The following THSD4 variants were observed in gnomAD, a reference collection of about 807,000 sequenced individuals.
THSD4 encodes thrombospondin type 1 domain containing 4.
A neutral mutation model predicts 119.0 loss-of-function variants in THSD4; 69 were observed. The observed-to-expected ratio is 0.58, with a 90% CI of 0.48 to 0.71. The LOEUF (loss-of-function observed/expected upper bound fraction) is 0.71. Among genes scored for constraint, THSD4 ranks in the 30% least tolerant of loss-of-function variants. The probability of loss-of-function intolerance (pLI) is 0.00; values close to 1 mark genes in which losing one functional copy is unlikely to be tolerated. For synonymous variants in THSD4, 524 were observed against 540.4 expected, an observed-to-expected ratio of 0.97 and a Z score of 0.42; for missense variants, 1,393 against 1,391.1, an observed-to-expected ratio of 1.00 and a Z score of -0.02.
chr15:71,486,334 T>C (rs1279596308), intron 7 of THSD4, among the ~76,000 whole-genome samples: 1 of 152,206 alleles, frequency 6.6e-6, no homozygotes. Flanking sequence ...TTGTGGGACC[T>C]TGGGAAAGTG....
chr15:71,414,134 T>G (rs1168696498), intron 7 of THSD4, among the ~76,000 whole-genome samples: 3 of 152,242 alleles, frequency 2.0e-5, no homozygotes, highest in Admixed American at 2.0e-4. Context: ...CAAAAGTTAC[T>G]TAAGCTCTCT....
chr15:71,621,369 C>G (rs2050416078), intron 7 of THSD4, among the ~76,000 whole-genome samples: 1 of 152,004 alleles, frequency 6.6e-6, no homozygotes, highest in African/African-American at 2.4e-5. Context: ...GACAGTTGTC[C>G]CAGATGAGGG....
intron 7 of THSD4, among the ~76,000 whole-genome samples, chr15:71,568,893 A>G (rs2049295499): frequency 6.6e-6 from 1 of 152,200 alleles, no homozygotes; most frequent in Admixed American, 6.5e-5. Flanking sequence ...TTTTTTAAGA[A>G]CAATCTTTAA....
intron 6 of THSD4, among the ~76,000 whole-genome samples, chr15:71,402,740 A>G (rs1260325627): frequency 6.6e-6 from 1 of 152,148 alleles, no homozygotes; most frequent in Non-Finnish European, 1.5e-5. Context: ...ATAAACACCT[A>G]TGAGCCAGCT....
intron 3 of THSD4, among the ~76,000 whole-genome samples, chr15:71,168,493 A>G (rs1393225614): frequency 6.6e-6 from 1 of 152,234 alleles, no homozygotes; most frequent in Non-Finnish European, 1.5e-5. Flanking sequence ...TTTAGAAACA[A>G]TGAAAGCTAC....
intron 7 of THSD4, among the ~76,000 whole-genome samples, chr15:71,658,875 G>A (rs149184561): frequency 7.9e-5 from 12 of 152,234 alleles, no homozygotes; most frequent in African/African-American, 2.2e-4. Context: ...GTCAATGTGC[G>A]CTTGGGAATA....
intron 8 of THSD4, among the ~76,000 whole-genome samples, chr15:71,692,035 A>G (rs2052062898): frequency 6.6e-6 from 1 of 152,238 alleles, no homozygotes; most frequent in Admixed American, 6.5e-5. Context: ...ACGTTCACCA[A>G]AAGTAACAAG....
chr15:71,365,131 T>TTGTGTGTGTGTGTGTGTGTGTGTGTG lies in THSD4; in HGVS notation c.1016-46546_1016-46521dup, dbSNP rs10690804. Among the ~76,000 whole-genome samples the TTGTGTGTGTGTGTGTGTGTGTGTGTG allele has an allele frequency of 1.9e-3, 254 of 135,896 alleles. 7 individuals carry two copies. Among genetic ancestry groups the TTGTGTGTGTGTGTGTGTGTGTGTGTG allele is most frequent in the South Asian group, 3.4e-3 (13 of 3,828 alleles). The allele number at this position is 135,896 out of a possible 152,430, so 89.2% of individuals were successfully genotyped here. On this transcript the variant is annotated intron_variant, in intron 6 of 17. Transcript: ENST00000261862. ...GAAAATATATCCACTGCCCCCCCCA[T>TTGTGTGTGTGTGTGTGTGTGTGTGTG]TGTGTGTGTGTGTGTGTGTGTGTGT...
At chr15:71,293,339 G>C (rs1303254758) in intron 6 of THSD4, among the ~76,000 whole-genome samples, 4 of 152,180 alleles carry the variant, frequency 2.6e-5, no homozygotes, top group Non-Finnish European at 4.4e-5. Context: ...TCTCCTGCCT[G>C]TGGAGGTGGA....
At chr15:71,352,892 A>G (rs1264303522) in intron 6 of THSD4, among the ~76,000 whole-genome samples, 1 of 152,240 alleles carries the variant, frequency 6.6e-6, no homozygotes, top group Non-Finnish European at 1.5e-5. Context: ...GTGGAAGGAC[A>G]TTCTAGGAGA....
Position 71,215,020 on chromosome 15 carries a change from C to G in THSD4, c.100-15C>G. The stretch of plus-strand genomic sequence containing the variant: ...AGCGGTGTTCTGGTCCCCTAACCTG[C>G]CTCTGTCTCCGCAGGTCCCGCAGCG... On this transcript the variant is annotated splice_polypyrimidine_tract_variant and intron_variant, in intron 3 of 17. Coordinates refer to ENST00000261862, the MANE Select transcript of THSD4 (RefSeq NM_024817.3). 1.6e-6 allele frequency: 2 copies of G among 1,254,606 alleles called. No individual in the cohort carries two copies. Among genetic ancestry groups the G allele is most frequent in the Non-Finnish European group, 2.0e-6 (2 of 993,202 alleles). The allele number at this position is 1,254,606 out of a possible 1,614,324, so 77.7% of individuals were successfully genotyped here.
intron 7 of THSD4, among the ~76,000 whole-genome samples, chr15:71,497,095 T>G (rs2048029659): frequency 6.6e-6 from 1 of 152,238 alleles, no homozygotes. Context: ...AAAGATGTTG[T>G]GCAGTTTCTG....
intron 3 of THSD4, among the ~76,000 whole-genome samples, chr15:71,155,801 C>T (rs901483737): frequency 2.6e-5 from 4 of 152,098 alleles, no homozygotes; most frequent in Admixed American, 6.6e-5. Flanking sequence ...AACTGATGGC[C>T]GGCAGGGATG....
chr15:71,565,057 A>G (rs2049208653), intron 7 of THSD4, among the ~76,000 whole-genome samples: 1 of 152,124 alleles, frequency 6.6e-6, no homozygotes, highest in South Asian at 2.1e-4. Context: ...CCAAAAGAAC[A>G]CCTTAGGTTT....
chr15:71,639,306 G>A (rs981004573), intron 7 of THSD4, among the ~76,000 whole-genome samples: 2 of 152,120 alleles, frequency 1.3e-5, no homozygotes, highest in African/African-American at 4.8e-5. Flanking sequence ...CTTGCATGGG[G>A]GCTGGATTTC....
At chr15:71,171,282 C>G (rs780316143) in intron 3 of THSD4, among the ~76,000 whole-genome samples, 3 of 151,926 alleles carry the variant, frequency 2.0e-5, no homozygotes, top group Non-Finnish European at 2.9e-5. Flanking sequence ...ATTTAAAAAG[C>G]CCTTAGAAAA....
At chr15:71,112,327 A>AT, upstream of THSD4, 1 of 1,183,500 alleles carries the variant, frequency 8.4e-7, no homozygotes, top group Non-Finnish European at 1.2e-6. Context: ...GGTACTATTA[A>AT]TAATTAATTA....
intron 3 of THSD4, among the ~76,000 whole-genome samples, chr15:71,194,273 A>G (rs1212115768): frequency 1.3e-5 from 2 of 152,230 alleles, no homozygotes; most frequent in Non-Finnish European, 2.9e-5. Flanking sequence ...TCTTCTGTCC[A>G]ATAGATGACA....
chr15:71,606,056 C>T (rs1484404066), intron 7 of THSD4, among the ~76,000 whole-genome samples: 4 of 152,220 alleles, frequency 2.6e-5, no homozygotes, highest in Non-Finnish European at 4.4e-5. Context: ...AAGGACTCAT[C>T]ATTGGCCATC....
Sources: gnomAD v4.1 joint callset for allele counts (sites outside exome capture counted in the v4.1 genomes callset) on GRCh38, gnomAD v4.1.1 for gene constraint, MANE v1.5 for transcripts, NCBI Gene and HGNC (gene_info 2026-07-23, HGNC 2026-07-21) for gene names.